Variants in YEATS4 observed in about 807,000 individuals in gnomAD.
YEATS4 encodes YEATS domain containing 4.
In YEATS4, 17 loss-of-function variants were observed where a neutral mutation model predicts 30.1. The ratio of observed to expected loss-of-function variants is 0.56; its 90% CI spans 0.39 to 0.85. The LOEUF is 0.85. Among genes scored for constraint, YEATS4 ranks in the 40% least tolerant of loss-of-function variants. YEATS4 has a pLI of 0.00. For synonymous variants in YEATS4, 85 were observed against 87.5 expected (o/e 0.97, Z 0.16); for missense variants, 142 against 268.3 (o/e 0.53, Z 3.29).
At chr12:69,376,950 A>T (rs187824313) in intron 6 of YEATS4, among the ~76,000 whole-genome samples, 341 of 152,196 alleles carry the variant, frequency 2.2e-3, no homozygotes, top group Admixed American at 4.0e-3. Flanking sequence ...GTGTCTAGGA[A>T]TTTATCCATT....
intron 4 of YEATS4, among the ~76,000 whole-genome samples, chr12:69,366,729 T>C (rs924359144): frequency 2.6e-5 from 4 of 152,200 alleles, no homozygotes; most frequent in African/African-American, 9.7e-5. Flanking sequence ...CACATCAGTC[T>C]TTTAGCACCA....
At chr12:69,410,767 G>A in the YEATS4 span, among the ~76,000 whole-genome samples, 2 of 152,056 alleles carry the variant, frequency 1.3e-5, no homozygotes, top group East Asian at 1.9e-4. Flanking sequence ...CAGGCTCCTC[G>A]GGAACATCTC....
intron 4 of YEATS4, among the ~76,000 whole-genome samples, chr12:69,369,584 C>T (rs2120947076): frequency 6.6e-6 from 1 of 152,328 alleles, no homozygotes; most frequent in East Asian, 1.9e-4. Context: ...TGGCTCACAC[C>T]TCTTAGGCAG....
At chr12:69,397,182 CA>C in the YEATS4 span, among the ~76,000 whole-genome samples, 595 of 152,282 alleles carry the variant, frequency 3.9e-3, 1 homozygote, top group Admixed American at 7.1e-3. Flanking sequence ...GTTGGTTCGG[CA>C]TATACAAATC....
the YEATS4 span, among the ~76,000 whole-genome samples, chr12:69,409,570 T>C: frequency 6.6e-6 from 1 of 151,696 alleles, no homozygotes; most frequent in African/African-American, 2.4e-5. Context: ...TGAGCCGAGA[T>C]TGTGCCACTG....
intron 6 of YEATS4, among the ~76,000 whole-genome samples, chr12:69,388,691 A>G (rs1868281639): frequency 6.6e-6 from 1 of 152,224 alleles, no homozygotes; most frequent in Non-Finnish European, 1.5e-5. Flanking sequence ...TTTGTTATAG[A>G]TAGATAGTTT....
chr12:69,362,913 C>T lies in YEATS4; in HGVS notation c.171+6C>T. ...TGAAACCATATAGAAATGAGGTAGG[C>T]ACTCGTTTTTTCTGTAACTGTTTTA... On this transcript the variant is annotated splice_donor_region_variant and intron_variant, in intron 2 of 6. Transcript: ENST00000247843. 6.5e-7 allele frequency: 1 copy of T among 1,529,878 alleles called. No homozygotes were observed. The highest frequency in any genetic ancestry group is 8.8e-7 in the Non-Finnish European group (1 of 1,137,630). 94.8% of individuals were successfully genotyped at this position (1,529,878 alleles called of 1,614,324 possible).
chr12:69,372,832 C>G (rs915549536), intron 6 of YEATS4, among the ~76,000 whole-genome samples: 4 of 152,016 alleles, frequency 2.6e-5, no homozygotes, highest in Admixed American at 2.0e-4. Context: ...GCCACCACAC[C>G]CAGCCTAGTT....
At chr12:69,368,951 G>GT (rs1221753602) in intron 4 of YEATS4, among the ~76,000 whole-genome samples, 4 of 152,080 alleles carry the variant, frequency 2.6e-5, no homozygotes, top group Admixed American at 1.3e-4. Context: ...TTAGGGCTTC[G>GT]TATCTTTTGC....
chr12:69,388,586 A>G (rs141237194), intron 6 of YEATS4, among the ~76,000 whole-genome samples: 5 of 152,362 alleles, frequency 3.3e-5, no homozygotes, highest in South Asian at 2.1e-4. Context: ...TGTTAGACAC[A>G]AGCAGATATT....
chr12:69,397,818 T>C, the YEATS4 span, among the ~76,000 whole-genome samples: 3 of 152,124 alleles, frequency 2.0e-5, no homozygotes, highest in Admixed American at 2.0e-4. Context: ...GAGAGAGGCC[T>C]CAGGAGAAAC....
At chr12:69,410,894 T>C in the YEATS4 span, among the ~76,000 whole-genome samples, 18 of 152,212 alleles carry the variant, frequency 1.2e-4, no homozygotes, top group Admixed American at 3.3e-4. Flanking sequence ...CTTTGTGCAA[T>C]GCCTCTTTTA....
At position 69,385,874 on chromosome 12, in the gene YEATS4, G is replaced by A. The variant is rs141029248; in HGVS notation, c.515-4273G>A. Among the ~76,000 whole-genome samples the A allele has an allele frequency of 4.8e-3, 730 of 152,192 alleles. 3 individuals carry two copies. The highest frequency in any genetic ancestry group is 0.017 in the African/African-American group (700 of 41,516). On this transcript the variant is annotated intron_variant, in intron 6 of 6. Transcript: ENST00000247843. The stretch of plus-strand genomic sequence containing the variant: ...AAGATACTATGATTAGCACCATTTT[G>A]TAGGTAAAAGCTCTAGAAAGATTTG...
Position 69,359,816 on chromosome 12 carries a change from G to C in YEATS4, c.-157G>C. 1.2e-6 allele frequency: 1 copy of C among 829,716 alleles called. No homozygotes were observed. 51.4% of individuals were successfully genotyped at this position (829,716 alleles called of 1,614,324 possible). A position where few individuals can be genotyped will look rare whatever the true frequency, so the allele number is the denominator to read the frequency against. On this transcript the variant is annotated 5_prime_UTR_variant, in exon 1 of 7. Transcript: ENST00000247843. ...AGCACAGTCGGCCTGAGGAGTTGAC[G>C]GTTACTCACCGCCGTGAGCCCAAGT...
At chr12:69,368,021 T>G (rs1338582896) in intron 4 of YEATS4, among the ~76,000 whole-genome samples, 1 of 152,214 alleles carries the variant, frequency 6.6e-6, no homozygotes, top group Non-Finnish European at 1.5e-5. Context: ...CTTAGAAAGG[T>G]ATATAACCTA....
At chr12:69,394,542 C>G (rs970095416), downstream of YEATS4, among the ~76,000 whole-genome samples, 9 of 152,140 alleles carry the variant, frequency 5.9e-5, no homozygotes, top group Admixed American at 1.3e-4. Context: ...TACAGATAAA[C>G]TGATAACAGA....
the YEATS4 span, among the ~76,000 whole-genome samples, chr12:69,418,452 A>C: frequency 6.6e-6 from 1 of 151,464 alleles, no homozygotes; most frequent in East Asian, 1.9e-4. Context: ...ACTCTGTCTC[A>C]AAAAAAACAT....
the YEATS4 span, among the ~76,000 whole-genome samples, chr12:69,397,151 G>A: frequency 6.6e-6 from 1 of 152,094 alleles, no homozygotes; most frequent in Admixed American, 6.6e-5. Flanking sequence ...TATCAACTGG[G>A]ATTTATCTCA....
chr12:69,362,125 C>T (rs1028678550), intron 1 of YEATS4, among the ~76,000 whole-genome samples: 2 of 144,776 alleles, frequency 1.4e-5, no homozygotes, highest in Admixed American at 1.4e-4. Context: ...TCAAGCAATT[C>T]TCCTGCTTCA....
Sources: allele counts gnomAD v4.1 joint callset (sites outside exome capture counted in the v4.1 genomes callset), GRCh38; gene constraint gnomAD v4.1.1; transcripts MANE v1.5; gene names NCBI Gene and HGNC (gene_info 2026-07-23, HGNC 2026-07-21).